METTL15: variants seen among roughly 807,000 people sequenced by gnomAD.
The protein encoded by METTL15 is 12S rRNA N(4)-cytidine methyltransferase METTL15.
A neutral mutation model predicts 38.3 loss-of-function variants in METTL15; 34 were observed. That is an observed-to-expected ratio of 0.89 (90% CI 0.68 to 1.18). METTL15 has a LOEUF of 1.18. METTL15 is among the 50% of genes most tolerant of loss of function. The pLI, the probability that METTL15 is intolerant of heterozygous loss-of-function variation, is 0.00. For missense variants in METTL15, 438 were observed against 498.4 expected, an observed-to-expected ratio of 0.88 and a Z score of 1.15; for synonymous variants, 162 against 170.9, an observed-to-expected ratio of 0.95 and a Z score of 0.41.
chr11:28,458,268 CTTGT>C (rs1851186776), intron 6 of METTL15, among the ~76,000 whole-genome samples: 1 of 152,066 alleles, frequency 6.6e-6, no homozygotes, highest in Non-Finnish European at 1.5e-5. Context: ...GACAAATGGC[CTTGT>C]TTATCTATTC....
intron 4 of METTL15, among the ~76,000 whole-genome samples, chr11:28,273,757 T>C (rs1401227259): frequency 3.9e-5 from 6 of 152,102 alleles, no homozygotes; most frequent in Non-Finnish European, 7.4e-5. Context: ...TTCAGTACAC[T>C]GGACCACATC....
At chr11:28,186,301 T>C (rs1348381308) in intron 3 of METTL15, among the ~76,000 whole-genome samples, 3 of 151,302 alleles carry the variant, frequency 2.0e-5, no homozygotes, top group African/African-American at 7.3e-5. Flanking sequence ...ACAGCAAGTA[T>C]AGCCAACCTA....
intron 5 of METTL15, among the ~76,000 whole-genome samples, chr11:28,388,808 T>A (rs1051443689): frequency 2.0e-5 from 3 of 152,068 alleles, no homozygotes; most frequent in African/African-American, 4.8e-5. Context: ...ATTAGGTATA[T>A]CTCCTAATGC....
At chr11:28,317,793 A>G (rs1382971177) in intron 6 of METTL15, among the ~76,000 whole-genome samples, 1 of 152,190 alleles carries the variant, frequency 6.6e-6, no homozygotes, top group Non-Finnish European at 1.5e-5. Context: ...ACTTTATGTG[A>G]AATTCTTTGT....
intron 3 of METTL15, among the ~76,000 whole-genome samples, chr11:28,152,519 G>A (rs1428033559): frequency 6.6e-6 from 1 of 151,426 alleles, no homozygotes; most frequent in South Asian, 2.1e-4. Context: ...GTTAGGAAAC[G>A]TTTCTTTTTT....
At chr11:28,215,823 A>G (rs1852840405) in intron 4 of METTL15, among the ~76,000 whole-genome samples, 1 of 152,200 alleles carries the variant, frequency 6.6e-6, no homozygotes. Context: ...TCTTGAGCTC[A>G]GGAGTTAGGA....
intron 4 of METTL15, among the ~76,000 whole-genome samples, chr11:28,246,559 T>G (rs1256156651): frequency 6.6e-6 from 1 of 152,138 alleles, no homozygotes; most frequent in African/African-American, 2.4e-5. Context: ...ATTAGAAAAG[T>G]GCCTAGCAGG....
chr11:28,380,528 G>A (rs1226286851), intron 5 of METTL15, among the ~76,000 whole-genome samples: 1 of 152,018 alleles, frequency 6.6e-6, no homozygotes, highest in Non-Finnish European at 1.5e-5. Context: ...CTTTCTGGTT[G>A]TTTTGTAACT....
intron 4 of METTL15, among the ~76,000 whole-genome samples, chr11:28,263,274 C>T (rs1855282488): frequency 6.6e-6 from 1 of 152,018 alleles, no homozygotes; most frequent in African/African-American, 2.4e-5. Flanking sequence ...CCACTTCTCT[C>T]AAGTTAGATG....
At chr11:28,412,208 A>C (rs944913290) in intron 5 of METTL15, among the ~76,000 whole-genome samples, 2 of 151,972 alleles carry the variant, frequency 1.3e-5, no homozygotes, top group African/African-American at 2.4e-5. Flanking sequence ...ATTAAAAATA[A>C]AACTACCTTA....
At chr11:28,176,112 A>T (rs1028820039) in intron 3 of METTL15, among the ~76,000 whole-genome samples, 3 of 152,024 alleles carry the variant, frequency 2.0e-5, no homozygotes, top group Admixed American at 2.0e-4. Flanking sequence ...AGGAAATCAT[A>T]GATTTTTAAA....
At chr11:28,244,615 C>A (rs1174356173) in intron 4 of METTL15, among the ~76,000 whole-genome samples, 2 of 152,164 alleles carry the variant, frequency 1.3e-5, no homozygotes, top group Non-Finnish European at 2.9e-5. Context: ...TGACATATGT[C>A]CAGGTTTGAG....
chr11:28,112,373 T>C (rs1851755815), intron 2 of METTL15, among the ~76,000 whole-genome samples: 1 of 152,196 alleles, frequency 6.6e-6, no homozygotes, highest in Non-Finnish European at 1.5e-5. Flanking sequence ...GTCATATTCT[T>C]AAATAACTAA....
In METTL15 at chr11:28,296,861, T is replaced by C. The variant is rs764597268; in HGVS notation, c.708T>C (p.Ala236=). 1 of 1,613,530 alleles carries C rather than the reference T, an allele frequency of 6.2e-7. No individual in the cohort carries two copies. Among genetic ancestry groups the C allele is most frequent in the South Asian group, 1.1e-5 (1 of 91,072 alleles). The change falls in exon 6 of 7, where the codon GCT becomes GCC. Residue 236 remains alanine, a synonymous_variant. Transcript: ENST00000407364. ...AGGAGAAGCATGCCAAGAAAATCGC[T>C]TCAGCAATTGTTCAGGCACGCAGCA... The part of the protein sequence containing the change: ...YGEEKHAKKI[A]SAIVQARSIY...
intron 6 of METTL15, among the ~76,000 whole-genome samples, chr11:28,436,906 C>A (rs1850987170): frequency 6.6e-6 from 1 of 152,000 alleles, no homozygotes; most frequent in African/African-American, 2.4e-5. Flanking sequence ...AGAGGCAGAC[C>A]CATCCTCAAT....
At chr11:28,176,688 T>C (rs1051800015) in intron 3 of METTL15, among the ~76,000 whole-genome samples, 1 of 152,124 alleles carries the variant, frequency 6.6e-6, no homozygotes, top group Non-Finnish European at 1.5e-5. Context: ...GTGGTCTTTG[T>C]GGCCAAGTGG....
At chr11:28,440,686 A>G (rs1274419141) in intron 6 of METTL15, among the ~76,000 whole-genome samples, 3 of 152,216 alleles carry the variant, frequency 2.0e-5, no homozygotes, top group African/African-American at 4.8e-5. Flanking sequence ...GGTACACAAC[A>G]AAAGGTTGAT....
At chr11:28,385,401 C>CT (rs1446342711) in intron 5 of METTL15, among the ~76,000 whole-genome samples, 1 of 151,982 alleles carries the variant, frequency 6.6e-6, no homozygotes, top group Non-Finnish European at 1.5e-5. Context: ...AATAAGGAGT[C>CT]TTTTTTCCAC....
chr11:28,220,045 G>A (rs1053137258), intron 4 of METTL15, among the ~76,000 whole-genome samples: 5 of 152,176 alleles, frequency 3.3e-5, no homozygotes, highest in African/African-American at 1.2e-4. Context: ...CTGTTGATTT[G>A]GGGTAGAGAG....
Sources: gnomAD v4.1 joint callset for allele counts (sites outside exome capture counted in the v4.1 genomes callset) on GRCh38, gnomAD v4.1.1 for gene constraint, MANE v1.5 for transcripts, NCBI Gene and HGNC (gene_info 2026-07-23, HGNC 2026-07-21) for gene names.